The following COBL variants were observed in gnomAD, a reference collection of about 807,000 sequenced individuals.
The protein encoded by COBL is cordon-bleu WH2 repeat protein.
COBL carries 51 observed loss-of-function variants against 98.8 expected under a neutral mutation model. The observed-to-expected ratio is 0.52, with a 90% CI of 0.41 to 0.65. COBL has a LOEUF of 0.65. COBL is among the 30% of genes least tolerant of loss of function. The pLI, the probability that COBL is intolerant of heterozygous loss-of-function variation, is 0.00. For missense variants in COBL, 1,617 were observed against 1,617.5 expected, an observed-to-expected ratio of 1.00 and a Z score of 0.01; for synonymous variants, 634 against 651.7, an observed-to-expected ratio of 0.97 and a Z score of 0.41.
intron 1 of COBL, among the ~76,000 whole-genome samples, chr7:51,291,517 T>C (rs2129187537): frequency 6.6e-6 from 1 of 151,738 alleles, no homozygotes; most frequent in East Asian, 2.0e-4. Context: ...TCCTAACACT[T>C]TGGGAGGCTG....
intron 5 of COBL, among the ~76,000 whole-genome samples, chr7:51,151,190 CG>C (rs5884194): frequency 0.96 from 145,436 of 152,272 alleles, 69,704 homozygotes; most frequent in African/African-American, 0.99. Context: ...TGTACATAGG[CG>C]AAACATTTTC....
chr7:51,179,587 G>A (rs532697773), intron 5 of COBL, among the ~76,000 whole-genome samples: 7 of 152,148 alleles, frequency 4.6e-5, no homozygotes, highest in South Asian at 2.1e-4. Flanking sequence ...AAAAGATACC[G>A]AAAAATTTGA....
At chr7:51,160,003 C>T (rs1019921090) in intron 5 of COBL, among the ~76,000 whole-genome samples, 2 of 152,286 alleles carry the variant, frequency 1.3e-5, no homozygotes, top group Non-Finnish European at 2.9e-5. Flanking sequence ...AGTGATTCTC[C>T]TGCCTCAGCC....
At chr7:51,099,594 G>GA (rs1795633852) in intron 6 of COBL, among the ~76,000 whole-genome samples, 1 of 152,028 alleles carries the variant, frequency 6.6e-6, no homozygotes, top group Non-Finnish European at 1.5e-5. Flanking sequence ...GAGGGAGGGG[G>GA]AAAAGATGAA....
At chr7:51,315,671 C>T (rs750169022) in intron 1 of COBL, among the ~76,000 whole-genome samples, 3 of 152,218 alleles carry the variant, frequency 2.0e-5, no homozygotes, top group African/African-American at 7.2e-5. Context: ...CAAAGTCCAC[C>T]GGGACTGCGC....
At chr7:51,046,786 A>G (rs553479493) in intron 7 of COBL, among the ~76,000 whole-genome samples, 1 of 152,192 alleles carries the variant, frequency 6.6e-6, no homozygotes, top group Admixed American at 6.5e-5. Context: ...GCTTCCCTAG[A>G]GCCAGCGATC....
chr7:51,121,651 G>A (rs573281958), intron 6 of COBL, among the ~76,000 whole-genome samples: 10 of 152,278 alleles, frequency 6.6e-5, no homozygotes, highest in African/African-American at 2.4e-4. Flanking sequence ...GTGCCTAGGA[G>A]GCTCTGCACC....
chr7:51,127,975 G>C (rs971743843), intron 6 of COBL, among the ~76,000 whole-genome samples: 6 of 152,232 alleles, frequency 3.9e-5, no homozygotes, highest in Admixed American at 1.3e-4. Context: ...TCACAGTGGA[G>C]GAAGTGGGAA....
At chr7:51,243,408 A>C (rs2129126486) in intron 1 of COBL, among the ~76,000 whole-genome samples, 1 of 152,344 alleles carries the variant, frequency 6.6e-6, no homozygotes, top group Non-Finnish European at 1.5e-5. Context: ...CAAAGCACTC[A>C]ATACCAGCTG....
intron 1 of COBL, among the ~76,000 whole-genome samples, chr7:51,277,768 C>T (rs1025629860): frequency 6.6e-6 from 1 of 152,132 alleles, no homozygotes; most frequent in Non-Finnish European, 1.5e-5. Flanking sequence ...TCCAGCACGG[C>T]AGGGCATTGT....
rs1786367095 is a variant in COBL at position 51,017,300 on chromosome 7, G to GT, written c.*250dup. 1 of 591,638 alleles carries GT rather than the reference G, an allele frequency of 1.7e-6. No individual in the cohort carries two copies. The highest frequency in any genetic ancestry group is 3.0e-6 in the Non-Finnish European group (1 of 332,516). 36.6% of individuals were successfully genotyped at this position (591,638 alleles called of 1,614,324 possible). Reference sequence around the variant, plus strand: ...TCCCATTAACCTGCCAACAAGAATCGTTTATTAGCAACTTAAGATATTCAG... The same window carrying GT: ...TCCCATTAACCTGCCAACAAGAATCGTTTTATTAGCAACTTAAGATATTCAG... On this transcript the variant is annotated 3_prime_UTR_variant, in exon 13 of 13. Coordinates refer to ENST00000265136, the MANE Select transcript of COBL (RefSeq NM_015198.5).
chr7:51,018,856 A>T (rs1786565617), intron 12 of COBL, among the ~76,000 whole-genome samples: 1 of 132,744 alleles, frequency 7.5e-6, no homozygotes, highest in South Asian at 2.6e-4. Context: ...GCACCATTGC[A>T]CTCCAGCCTG....
chr7:51,023,641 G>T (rs1442459315), intron 12 of COBL, among the ~76,000 whole-genome samples: 2 of 152,234 alleles, frequency 1.3e-5, no homozygotes, highest in Non-Finnish European at 2.9e-5. Flanking sequence ...CATCCCTCCA[G>T]GCAGTGCCTT....
At chr7:51,193,347 A>G (rs371338162) in intron 3 of COBL, 32 bp downstream of exon 3, 6 of 1,590,854 alleles carry the variant, frequency 3.8e-6, no homozygotes, top group Admixed American at 3.3e-5. Flanking sequence ...ACACATTCAG[A>G]CACAGGTATT....
intron 6 of COBL, among the ~76,000 whole-genome samples, chr7:51,118,790 T>C (rs1386185180): frequency 1.3e-5 from 2 of 152,170 alleles, no homozygotes; most frequent in South Asian, 2.1e-4. Flanking sequence ...GCAAAGCCTA[T>C]GTCCTCCAAA....
intron 10 of COBL, 76 bp downstream of exon 10, chr7:51,027,636 T>C: frequency 8.0e-7 from 1 of 1,254,736 alleles, no homozygotes; most frequent in Non-Finnish European, 1.1e-6. Flanking sequence ...CTCCTCCGCT[T>C]TATTCTGAGA....
In COBL at chr7:51,315,925, G is replaced by T. The variant is rs781305783; in HGVS notation, c.41+668C>A. 2.0e-5 allele frequency among the ~76,000 whole-genome samples: 3 copies of T among 151,958 alleles called. No homozygotes were observed. In the East Asian group the frequency reaches 5.8e-4, roughly 29 times the overall value. ...GATGGGCCGCCAGACTCGCGGGTCC[G>T]CTACGGATGTCTGCGCCTCAGGCCT... On this transcript the variant is annotated intron_variant, in intron 1 of 12. Transcript: ENST00000265136.
At chr7:51,312,784 A>C (rs1476479698) in intron 1 of COBL, among the ~76,000 whole-genome samples, 1 of 152,170 alleles carries the variant, frequency 6.6e-6, no homozygotes, top group Admixed American at 6.5e-5. Context: ...AAAACACAGG[A>C]GGGACTGCAG....
chr7:51,236,553 T>C (rs1016284055), intron 1 of COBL, among the ~76,000 whole-genome samples: 3 of 152,122 alleles, frequency 2.0e-5, no homozygotes, highest in African/African-American at 7.2e-5. Context: ...TATTGCTTGG[T>C]GTTCTCATCA....
Sources: allele counts gnomAD v4.1 joint callset (sites outside exome capture counted in the v4.1 genomes callset), GRCh38; gene constraint gnomAD v4.1.1; transcripts MANE v1.5; gene names NCBI Gene and HGNC (gene_info 2026-07-23, HGNC 2026-07-21).